The following DENND4C variants were observed in gnomAD, a reference collection of about 807,000 sequenced individuals.
DENND4C encodes the protein DENN domain containing 4C, also known as DENN domain-containing protein 4C.
A neutral mutation model predicts 203.0 loss-of-function variants in DENND4C; 108 were observed. The observed-to-expected ratio is 0.53, with a 90% CI of 0.46 to 0.62. The LOEUF (loss-of-function observed/expected upper bound fraction) is 0.62. Among genes scored for constraint, DENND4C ranks in the 20% least tolerant of loss-of-function variants. The pLI is 0.00. For missense variants in DENND4C, 2,481 were observed against 2,301.2 expected (o/e 1.08, Z -1.60); for synonymous variants, 871 against 792.4 (o/e 1.10, Z -1.67).
chr9:19,356,952 C>T lies in DENND4C; in HGVS notation c.4782-20C>T, dbSNP rs889638720. 3.7e-6 allele frequency: 6 copies of T among 1,600,056 alleles called. No individual in the cohort carries two copies. In the East Asian group the frequency reaches 1.1e-4, roughly 30 times the overall value. Reference sequence around the variant, plus strand: ...TTGAGGATTTTTAAAGGCTCTTTTTCCCCCCTTTTCCTTATGTAGCTTTTT... The same window carrying T: ...TTGAGGATTTTTAAAGGCTCTTTTTTCCCCCTTTTCCTTATGTAGCTTTTT... On this transcript the variant is annotated intron_variant, in intron 26 of 32. Coordinates refer to ENST00000434457, the MANE Select transcript of DENND4C (RefSeq NM_001330640.2).
intron 23 of DENND4C, among the ~76,000 whole-genome samples, chr9:19,348,793 A>G (rs79441494): frequency 0.048 from 7,164 of 149,628 alleles, 529 homozygotes; most frequent in African/African-American, 0.16. Context: ...GATAAAAAAG[A>G]AAAAAAAAAG....
At chr9:19,264,773 G>A (rs957158406) in intron 1 of DENND4C, among the ~76,000 whole-genome samples, 3 of 150,694 alleles carry the variant, frequency 2.0e-5, no homozygotes, top group South Asian at 4.2e-4. Context: ...CATCTTTTGT[G>A]TTTTTTCTGT....
chr9:19,332,559 C>T (rs1819470167), intron 17 of DENND4C, among the ~76,000 whole-genome samples: 1 of 140,996 alleles, frequency 7.1e-6, no homozygotes, highest in African/African-American at 2.6e-5. Flanking sequence ...GAGATGGGGT[C>T]TCACCGTGTT....
At chr9:19,328,190 T>C in intron 16 of DENND4C, 28 bp downstream of exon 16, 1 of 1,581,660 alleles carries the variant, frequency 6.3e-7, no homozygotes, top group South Asian at 1.2e-5. Context: ...TAATACATGT[T>C]CATTTAAGAT....
chr9:19,287,440 C>T (rs1042322955), intron 3 of DENND4C, among the ~76,000 whole-genome samples: 1 of 147,272 alleles, frequency 6.8e-6, no homozygotes, highest in Non-Finnish European at 1.5e-5. Flanking sequence ...TACAGTGGTG[C>T]AATCACAGCT....
At chr9:19,261,670 ATT>A (rs79471192) in intron 1 of DENND4C, among the ~76,000 whole-genome samples, 3 of 143,900 alleles carry the variant, frequency 2.1e-5, no homozygotes, top group Non-Finnish European at 1.5e-5. Context: ...GGCCGGGCTA[ATT>A]TTTTTTTTTT....
intron 6 of DENND4C, among the ~76,000 whole-genome samples, chr9:19,297,151 G>A (rs896631183): frequency 1.3e-5 from 2 of 152,154 alleles, no homozygotes; most frequent in African/African-American, 4.8e-5. Flanking sequence ...GTCAAGAGCT[G>A]TAATGTATTA....
At chr9:19,292,776 C>T (rs921398802) in intron 5 of DENND4C, among the ~76,000 whole-genome samples, 1 of 152,020 alleles carries the variant, frequency 6.6e-6, no homozygotes, top group East Asian at 1.9e-4. Flanking sequence ...GAACTCCTGA[C>T]CTCAGGTGAT....
At chr9:19,320,596 A>G (rs760989983) in intron 12 of DENND4C, among the ~76,000 whole-genome samples, 11 of 152,226 alleles carry the variant, frequency 7.2e-5, no homozygotes, top group Non-Finnish European at 1.5e-4. Context: ...GGTAGTGGTT[A>G]CTGAATTAAA....
In DENND4C at chr9:19,326,176, A is replaced by T. The variant is rs1335337366; in HGVS notation, c.2102A>T (p.Asp701Val). The T allele has an allele frequency of 9.3e-6, 15 of 1,612,130 alleles. No individual in the cohort carries two copies. The highest frequency in any genetic ancestry group is 1.3e-5 in the Non-Finnish European group (15 of 1,179,444). The change falls in exon 15 of 33, where the codon GAC becomes GTC. Residue 701 changes from aspartate to valine, a missense_variant. Asp to Val is a radical substitution (Grantham distance 152, BLOSUM62 -3). Transcript: ENST00000434457. ...PPEPPPDDGKDLSPKYSYKYF... is the reference protein window; with the variant it reads ...PPEPPPDDGKVLSPKYSYKYF... ...GAGCCACCTCCTGATGATGGAAAGG[A>T]CCTGTCACCAAAGTACAGGTAGTAG...
At position 19,276,557 on chromosome 9, in the gene DENND4C, C is replaced by T. The variant is rs568021896; in HGVS notation, c.305+78C>T. 212 of 845,906 alleles carry T rather than the reference C, an allele frequency of 2.5e-4. No homozygotes were observed. The African/African-American group carries it at 3.5e-3, about 14-fold the overall frequency. 52.4% of individuals were successfully genotyped at this position (845,906 alleles called of 1,614,324 possible). A position where few individuals can be genotyped will look rare whatever the true frequency, so the allele number is the denominator to read the frequency against. On this transcript the variant is annotated intron_variant, in intron 2 of 32. Coordinates refer to ENST00000434457, the MANE Select transcript of DENND4C (RefSeq NM_001330640.2). ...GCCATGGAAGTAGGAATTTGAAATC[C>T]TTGATAGTTTTATTATTACTGATAG...
At chr9:19,338,140 C>T (rs1820888516) in intron 20 of DENND4C, among the ~76,000 whole-genome samples, 1 of 152,114 alleles carries the variant, frequency 6.6e-6, no homozygotes, top group Non-Finnish European at 1.5e-5. Flanking sequence ...AGTTTGCCAT[C>T]ATGTTTGTAT....
chr9:19,250,623 A>G (rs1826327335), intron 1 of DENND4C, among the ~76,000 whole-genome samples: 1 of 152,040 alleles, frequency 6.6e-6, no homozygotes, highest in African/African-American at 2.4e-5. Context: ...TAGCTTGTAA[A>G]ATCAAAAGCA....
chr9:19,319,164 C>CAA (rs201975061), intron 12 of DENND4C, among the ~76,000 whole-genome samples: 1 of 121,676 alleles, frequency 8.2e-6, no homozygotes, highest in Non-Finnish European at 1.7e-5. Flanking sequence ...AACTTCATCT[C>CAA]AAAAAAAAAA....
chr9:19,278,074 C>CTTTTTTTTTT (rs34167347), intron 2 of DENND4C, among the ~76,000 whole-genome samples: 1 of 120,298 alleles, frequency 8.3e-6, no homozygotes. Flanking sequence ...CCTTTTTTTT[C>CTTTTTTTTTT]TTTTTTTTTT....
intron 26 of DENND4C, among the ~76,000 whole-genome samples, chr9:19,355,934 A>G (rs149508687): frequency 5.9e-5 from 9 of 152,154 alleles, no homozygotes; most frequent in Non-Finnish European, 1.2e-4. Context: ...ATTATTCTCC[A>G]TAAGTCCTAT....
intron 16 of DENND4C, among the ~76,000 whole-genome samples, chr9:19,330,680 C>T (rs2803120): frequency 0.23 from 34,108 of 151,550 alleles, 5,558 homozygotes; most frequent in African/African-American, 0.46. Context: ...AAGGAATCTT[C>T]AGTGCAGAGC....
chr9:19,270,532 C>G (rs1354392639), intron 1 of DENND4C, among the ~76,000 whole-genome samples: 1 of 152,178 alleles, frequency 6.6e-6, no homozygotes, highest in Non-Finnish European at 1.5e-5. Context: ...GCATTACATT[C>G]TTTTTGAAGG....
Position 19,279,450 on chromosome 9 carries a change from C to T in DENND4C, c.305+2971C>T, listed in dbSNP as rs191316947. ...AGCACTTTGGGAGGCGGAGGCAAGC[C>T]GATCACTTGTGGTCAGGAGTTCAAG... On this transcript the variant is annotated intron_variant, in intron 2 of 32. Transcript: ENST00000434457. Among the ~76,000 whole-genome samples, 8 of 151,928 alleles carry T rather than the reference C, an allele frequency of 5.3e-5. No homozygotes were observed. In the South Asian group the frequency reaches 6.2e-4, roughly 12 times the overall value.
Sources: gnomAD v4.1 joint callset for allele counts (sites outside exome capture counted in the v4.1 genomes callset) on GRCh38, gnomAD v4.1.1 for gene constraint, MANE v1.5 for transcripts, NCBI Gene and HGNC (gene_info 2026-07-23, HGNC 2026-07-21) for gene names.